Variants in NEK10 observed in about 807,000 individuals in gnomAD.
NEK10 encodes serine/threonine-protein kinase Nek10.
NEK10 carries 122 observed loss-of-function variants against 159.8 expected under a neutral mutation model. The ratio of observed to expected loss-of-function variants is 0.76; its 90% confidence interval spans 0.66 to 0.89. The LOEUF is 0.89. NEK10 is among the 40% of genes least tolerant of loss of function. NEK10 has a pLI of 0.00. For missense variants in NEK10, 1,342 were observed against 1,323.1 expected (o/e 1.01, Z -0.22); for synonymous variants, 466 against 457.1 (o/e 1.02, Z -0.25).
At chr3:27,317,076 G>C (rs1471040325) in intron 6 of NEK10, among the ~76,000 whole-genome samples, 3 of 152,156 alleles carry the variant, frequency 2.0e-5, no homozygotes, top group Non-Finnish European at 2.9e-5. Flanking sequence ...CTCCCTCTTA[G>C]AGAATTTTGT....
chr3:27,155,824 C>T (rs1177020564), intron 30 of NEK10, among the ~76,000 whole-genome samples: 1 of 152,056 alleles, frequency 6.6e-6, no homozygotes, highest in South Asian at 2.1e-4. Flanking sequence ...AAGGAGTCTG[C>T]ATAGCCAAAT....
chr3:27,362,344 C>T (rs1482478816), intron 1 of NEK10, among the ~76,000 whole-genome samples: 11 of 152,100 alleles, frequency 7.2e-5, no homozygotes, highest in Middle Eastern at 3.2e-3. Context: ...TACGGAACTG[C>T]TAATGGCTAA....
intron 31 of NEK10, 55 bp from the exon 32 acceptor site, chr3:27,132,045 G>C: frequency 1.0e-6 from 1 of 999,524 alleles, no homozygotes; most frequent in Non-Finnish European, 1.6e-6. Flanking sequence ...CTACACAGCT[G>C]ACTACAAAAA....
At chr3:27,196,458 T>G (rs2149004692) in intron 25 of NEK10, among the ~76,000 whole-genome samples, 1 of 152,296 alleles carries the variant, frequency 6.6e-6, no homozygotes, top group South Asian at 2.1e-4. Context: ...TTACTACTGC[T>G]ACCCACACAT....
rs755803322 is a variant in NEK10 at position 27,192,155 on chromosome 3, G to A, written c.2379C>T (p.Asn793=). Reference sequence around the variant, plus strand: ...CCAAGGACAACTGGGATGTAGATAAGTTGTCTAAATATTTCATCATGACAT... The same window carrying A: ...CCAAGGACAACTGGGATGTAGATAAATTGTCTAAATATTTCATCATGACAT... The part of the protein sequence containing the change: ...ISDVMMKYLD[N]LSTSQLSLEK... Residue 793 remains asparagine, a synonymous_variant, in exon 26 of 36, where the codon AAC becomes AAT. Coordinates refer to ENST00000691995, the MANE Select transcript of NEK10 (RefSeq NM_001394966.1). 1 of 1,614,000 alleles carries A rather than the reference G, an allele frequency of 6.2e-7. No individual in the cohort carries two copies. The highest frequency in any genetic ancestry group is 1.3e-5 in the African/African-American group (1 of 74,918).
intron 22 of NEK10, among the ~76,000 whole-genome samples, chr3:27,256,718 AAGGCC>A (rs1321830992): frequency 2.6e-5 from 4 of 152,172 alleles, no homozygotes; most frequent in African/African-American, 4.8e-5. Flanking sequence ...AAATACCATG[AAGGCC>A]TGAAAACCTA....
chr3:27,182,746 T>C (rs1337087283), intron 26 of NEK10, among the ~76,000 whole-genome samples: 1 of 151,978 alleles, frequency 6.6e-6, no homozygotes, highest in Non-Finnish European at 1.5e-5. Context: ...TTTTCAGTCA[T>C]AAAAAAGAAT....
At chr3:27,279,944 C>A (rs535790898) in intron 22 of NEK10, among the ~76,000 whole-genome samples, 1 of 151,896 alleles carries the variant, frequency 6.6e-6, no homozygotes, top group Non-Finnish European at 1.5e-5. Flanking sequence ...CCGAGGCGGG[C>A]GGATCATGAG....
intron 1 of NEK10, among the ~76,000 whole-genome samples, chr3:27,354,893 AG>A (rs1415497269): frequency 1.3e-5 from 2 of 152,174 alleles, no homozygotes; most frequent in Non-Finnish European, 2.9e-5. Context: ...ATAACTCCCC[AG>A]GCACTCCTCT....
chr3:27,293,467 ACATGG>A (rs1380587082), intron 16 of NEK10, 116 bp downstream of exon 16: 12 of 519,178 alleles, frequency 2.3e-5, no homozygotes, highest in Non-Finnish European at 4.1e-5. Flanking sequence ...ATCTGAAGAC[ACATGG>A]TTTGCATACT....
intron 23 of NEK10, among the ~76,000 whole-genome samples, chr3:27,212,665 T>C (rs1266277930): frequency 6.6e-6 from 1 of 152,244 alleles, no homozygotes; most frequent in East Asian, 1.9e-4. Flanking sequence ...TATTCTTCTA[T>C]GTTATATAGT....
At chr3:27,143,384 C>A in intron 30 of NEK10, 1 of 685,232 alleles carries the variant, frequency 1.5e-6, no homozygotes, top group Non-Finnish European at 2.6e-6. Flanking sequence ...CACAACATGG[C>A]AAAGAGTTCT....
chr3:27,167,015 C>T (rs1436212904), intron 29 of NEK10, among the ~76,000 whole-genome samples: 1 of 152,088 alleles, frequency 6.6e-6, no homozygotes, highest in Non-Finnish European at 1.5e-5. Flanking sequence ...TATGCATACA[C>T]TGATGAATCA....
At chr3:27,339,029 T>C (rs2047013537) in intron 5 of NEK10, among the ~76,000 whole-genome samples, 1 of 152,148 alleles carries the variant, frequency 6.6e-6, no homozygotes, top group African/African-American at 2.4e-5. Context: ...AGAAAATATT[T>C]ACAAACTATT....
At chr3:27,286,449 T>A (rs1450320176) in intron 20 of NEK10, among the ~76,000 whole-genome samples, 2 of 151,156 alleles carry the variant, frequency 1.3e-5, no homozygotes, top group Non-Finnish European at 2.9e-5. Context: ...TGGCGCGATC[T>A]TGGCTCAGTG....
At chr3:27,275,902 A>AT (rs1287507439) in intron 22 of NEK10, among the ~76,000 whole-genome samples, 1 of 152,026 alleles carries the variant, frequency 6.6e-6, no homozygotes, top group Non-Finnish European at 1.5e-5. Flanking sequence ...AGAAAGTAAA[A>AT]TTTTTTCTTT....
At chr3:27,139,941 G>A (rs1032572008) in intron 31 of NEK10, among the ~76,000 whole-genome samples, 18 of 152,196 alleles carry the variant, frequency 1.2e-4, no homozygotes, top group Non-Finnish European at 2.2e-4. Context: ...GCTCTCCTTT[G>A]GAGGCCAGGT....
chr3:27,282,036 A>G (rs2042197768), intron 22 of NEK10, among the ~76,000 whole-genome samples: 1 of 152,212 alleles, frequency 6.6e-6, no homozygotes, highest in Non-Finnish European at 1.5e-5. Flanking sequence ...GGTAATCAAC[A>G]TCGAACAATA....
intron 30 of NEK10, among the ~76,000 whole-genome samples, chr3:27,145,725 G>A (rs977234522): frequency 1.3e-5 from 2 of 152,010 alleles, no homozygotes; most frequent in African/African-American, 4.8e-5. Context: ...TCCTTTATTG[G>A]TGTAGATTCT....
Sources: allele counts gnomAD v4.1 joint callset (sites outside exome capture counted in the v4.1 genomes callset), GRCh38; gene constraint gnomAD v4.1.1; transcripts MANE v1.5; gene names NCBI Gene and HGNC (gene_info 2026-07-23, HGNC 2026-07-21).